THSD7A: variants seen among roughly 807,000 people sequenced by gnomAD.
THSD7A encodes the protein thrombospondin type-1 domain-containing protein 7A.
THSD7A carries 96 observed loss-of-function variants against 231.3 expected under a neutral mutation model. The observed-to-expected ratio is 0.41, with a 90% CI of 0.35 to 0.49. The LOEUF (loss-of-function observed/expected upper bound fraction) is 0.49, where lower values mean the gene tolerates loss of function less well. Among genes scored for constraint, THSD7A ranks in the 20% least tolerant of loss-of-function variants. THSD7A has a pLI of 0.05. For synonymous variants in THSD7A, 940 were observed against 743.3 expected, an observed-to-expected ratio of 1.26 and a Z score of -4.30; for missense variants, 2,290 against 2,070.2, an observed-to-expected ratio of 1.11 and a Z score of -2.06.
intron 4 of THSD7A, among the ~76,000 whole-genome samples, chr7:11,580,592 TG>T (rs775242704): frequency 1.6e-4 from 25 of 152,124 alleles, no homozygotes; most frequent in Admixed American, 7.2e-4. Flanking sequence ...GGGACATGGA[TG>T]GAGCTGGAGA....
chr7:11,564,934 G>A (rs1790241073), intron 4 of THSD7A, among the ~76,000 whole-genome samples: 1 of 152,160 alleles, frequency 6.6e-6, no homozygotes, highest in African/African-American at 2.4e-5. Flanking sequence ...TTTCATCATT[G>A]TTAGAATTTA....
chr7:11,527,375 C>T (rs553400786), intron 6 of THSD7A, among the ~76,000 whole-genome samples: 10 of 152,030 alleles, frequency 6.6e-5, no homozygotes, highest in Admixed American at 3.9e-4. Flanking sequence ...AATCTTGAAA[C>T]AAAATTGGCC....
intron 1 of THSD7A, among the ~76,000 whole-genome samples, chr7:11,749,803 TCTC>T (rs1782440306): frequency 1.3e-5 from 2 of 152,100 alleles, no homozygotes; most frequent in East Asian, 1.9e-4. Context: ...CTGTGGTTGA[TCTC>T]CTAGCCATTC....
chr7:11,410,163 G>A (rs548500298), intron 19 of THSD7A, among the ~76,000 whole-genome samples: 4 of 152,248 alleles, frequency 2.6e-5, no homozygotes, highest in East Asian at 1.9e-4. Flanking sequence ...ATTAGGTAAC[G>A]TTACAAGGTT....
chr7:11,556,297 G>A (rs1186511018), intron 4 of THSD7A, among the ~76,000 whole-genome samples: 1 of 150,228 alleles, frequency 6.7e-6, no homozygotes, highest in Non-Finnish European at 1.5e-5. Flanking sequence ...ATGTGTATAT[G>A]TGTATATATG....
At chr7:11,529,090 A>G (rs1485173883) in intron 6 of THSD7A, among the ~76,000 whole-genome samples, 4 of 152,148 alleles carry the variant, frequency 2.6e-5, no homozygotes, top group Non-Finnish European at 5.9e-5. Flanking sequence ...TATACAAATA[A>G]AAAACGTGCA....
chr7:11,647,832 C>G (rs887437681), intron 1 of THSD7A, among the ~76,000 whole-genome samples: 1 of 151,994 alleles, frequency 6.6e-6, no homozygotes, highest in Non-Finnish European at 1.5e-5. Context: ...GTAGTTTGAC[C>G]AGCCTCGGTG....
chr7:11,672,375 T>G (rs955948457), intron 1 of THSD7A, among the ~76,000 whole-genome samples: 1 of 152,044 alleles, frequency 6.6e-6, no homozygotes, highest in African/African-American at 2.4e-5. Flanking sequence ...ATTAAAAAAT[T>G]GTCTAATTTG....
chr7:11,805,214 T>C (rs962837255), intron 1 of THSD7A, among the ~76,000 whole-genome samples: 1 of 152,164 alleles, frequency 6.6e-6, no homozygotes, highest in Non-Finnish European at 1.5e-5. Context: ...TGCAATAATA[T>C]ATTTATACTT....
At position 11,411,242 on chromosome 7, in the gene THSD7A, C is replaced by T. The variant is rs1933744671; in HGVS notation, c.3763G>A (p.Asp1255Asn). ...KTRMLDCVRS[D>N]GKSVDLKYCE... ...TATTTCAGGTCAACTGACTTGCCATCACTTCGAACACAATCCAACATCCTT... is the reference window on the plus strand; with the variant it reads ...TATTTCAGGTCAACTGACTTGCCATTACTTCGAACACAATCCAACATCCTT... Residue 1255 changes from aspartate (D) to asparagine (N), a missense_variant, in exon 19 of 28, where the codon GAT becomes AAT. Asp to Asn is a conservative substitution (Grantham distance 23, BLOSUM62 1). Transcript: ENST00000423059. This position sits in a 1 kb window ranked among gnomAD's most constrained non-coding sequence, Gnocchi z 4.1. 6.2e-7 allele frequency: 1 copy of T among 1,613,740 alleles called. No homozygotes were observed.
At chr7:11,539,828 G>T (rs49) in intron 6 of THSD7A, among the ~76,000 whole-genome samples, 110,552 of 152,142 alleles carry the variant, frequency 0.73, 41,717 homozygotes, top group African/African-American at 0.93. Context: ...ACTTTTTAGC[G>T]TTTTGTTTCA....
chr7:11,759,158 TA>T (rs748908799), intron 1 of THSD7A, among the ~76,000 whole-genome samples: 18 of 151,576 alleles, frequency 1.2e-4, no homozygotes, highest in African/African-American at 4.3e-4. Context: ...TGAAAGTCAG[TA>T]AAAAAAACAC....
chr7:11,622,715 G>A (rs1203569334), intron 2 of THSD7A, among the ~76,000 whole-genome samples: 2 of 152,052 alleles, frequency 1.3e-5, no homozygotes, highest in Non-Finnish European at 2.9e-5. Flanking sequence ...TATCAACCTG[G>A]CTGAATATCT....
intron 6 of THSD7A, among the ~76,000 whole-genome samples, chr7:11,505,881 C>T (rs370305815): frequency 3.9e-5 from 6 of 152,094 alleles, no homozygotes; most frequent in East Asian, 3.9e-4. Context: ...TTCTTCTTCT[C>T]GTAGTGACTT....
chr7:11,761,689 T>A (rs999157251), intron 1 of THSD7A, among the ~76,000 whole-genome samples: 1 of 152,146 alleles, frequency 6.6e-6, no homozygotes, highest in African/African-American at 2.4e-5. Context: ...AACCCTTTAA[T>A]CTTGTCACAA....
In THSD7A at chr7:11,730,741, T is replaced by A. The variant is rs567367371; in HGVS notation, c.191-93780A>T. Among the ~76,000 whole-genome samples the A allele has an allele frequency of 2.6e-5, 4 of 151,690 alleles. No individual in the cohort carries two copies. In the South Asian group the frequency reaches 6.2e-4, roughly 24 times the overall value. ...TTCATCACCGGCAGCCTTCTAGGAG[T>A]CACCCATTTTTGAGCACTATTTTCT... On this transcript the variant is annotated intron_variant, in intron 1 of 27. Coordinates refer to ENST00000423059, the MANE Select transcript of THSD7A (RefSeq NM_015204.3).
rs1050447302 is a variant in THSD7A at position 11,632,588 on chromosome 7, A to C, written c.1022+3542T>G. 6.6e-6 allele frequency among the ~76,000 whole-genome samples: 1 copy of C among 152,038 alleles called. No homozygotes were observed. Among genetic ancestry groups the C allele is most frequent in the Non-Finnish European group, 1.5e-5 (1 of 67,990 alleles). On this transcript the variant is annotated intron_variant, in intron 2 of 27. Coordinates refer to ENST00000423059, the MANE Select transcript of THSD7A (RefSeq NM_015204.3). The surrounding 1 kb of genome is among the most constrained non-coding windows in gnomAD (Gnocchi z 4.1). Reference sequence around the variant, plus strand: ...TTTCCTTCTCTTTTCAGGTACATTGACTGGTACTTAGAATGAAAAGGTCTT... The same window carrying C: ...TTTCCTTCTCTTTTCAGGTACATTGCCTGGTACTTAGAATGAAAAGGTCTT...
At chr7:11,580,338 T>C (rs1216224387) in intron 4 of THSD7A, among the ~76,000 whole-genome samples, 2 of 152,102 alleles carry the variant, frequency 1.3e-5, no homozygotes, top group African/African-American at 4.8e-5. Flanking sequence ...AGGTTCGTTA[T>C]TAAGGACGGA....
chr7:11,739,863 G>A (rs1051714101), intron 1 of THSD7A, among the ~76,000 whole-genome samples: 1 of 151,956 alleles, frequency 6.6e-6, no homozygotes, highest in Non-Finnish European at 1.5e-5. Flanking sequence ...CAATGCCAAG[G>A]ATGCAGGAAT....
Sources: allele counts gnomAD v4.1 joint callset (sites outside exome capture counted in the v4.1 genomes callset), GRCh38; gene constraint gnomAD v4.1.1; non-coding constraint Gnocchi (gnomAD v3.1); transcripts MANE v1.5; gene names NCBI Gene and HGNC (gene_info 2026-07-23, HGNC 2026-07-21).